CWF19L2: variants seen among roughly 807,000 people sequenced by gnomAD.
CWF19L2 encodes the protein CWF19-like protein 2.
In CWF19L2, 98 loss-of-function variants were observed where a neutral mutation model predicts 111.7. The observed-to-expected ratio is 0.88, with a 90% CI of 0.75 to 1.04. CWF19L2 has a LOEUF of 1.04. Ranked by LOEUF, CWF19L2 falls within the 50% of genes least tolerant of loss-of-function variation. The pLI is 0.00. For synonymous variants in CWF19L2, 351 were observed against 342.9 expected (o/e 1.02, Z -0.26); for missense variants, 1,101 against 1,051.4 (o/e 1.05, Z -0.65).
intron 17 of CWF19L2, among the ~76,000 whole-genome samples, chr11:107,328,662 TAATA>T (rs1298992122): frequency 6.6e-6 from 1 of 152,204 alleles, no homozygotes; most frequent in Non-Finnish European, 1.5e-5. Flanking sequence ...TCTCCCAGTT[TAATA>T]TATACAACTT....
intron 6 of CWF19L2, among the ~76,000 whole-genome samples, chr11:107,434,685 A>AG (rs1861515805): frequency 1.3e-5 from 2 of 151,152 alleles, no homozygotes; most frequent in African/African-American, 2.4e-5. Context: ...AAAAAAAAAA[A>AG]AAAAGAAAAA....
intron 10 of CWF19L2, chr11:107,404,529 T>C: frequency 1.4e-6 from 1 of 693,128 alleles, no homozygotes. Context: ...CTTGGAGTGC[T>C]GGGCATTTGT....
chr11:107,362,040 TC>T (rs1336130427), intron 12 of CWF19L2, among the ~76,000 whole-genome samples: 1 of 152,142 alleles, frequency 6.6e-6, no homozygotes, highest in Non-Finnish European at 1.5e-5. Context: ...GAGTTCCCTT[TC>T]TGAGTCAAAG....
chr11:107,393,792 T>G (rs1860882982), intron 10 of CWF19L2, among the ~76,000 whole-genome samples: 2 of 152,112 alleles, frequency 1.3e-5, no homozygotes, highest in Admixed American at 1.3e-4. Flanking sequence ...AATCAAATAC[T>G]GCATGTTCTC....
intron 10 of CWF19L2, among the ~76,000 whole-genome samples, chr11:107,413,314 G>C (rs958289049): frequency 2.7e-4 from 41 of 152,082 alleles, no homozygotes; most frequent in Non-Finnish European, 3.8e-4. Context: ...AAAAAGAAAA[G>C]TCTTTGAGGT....
In CWF19L2 at chr11:107,353,659, A is replaced by G. The variant is rs146719098; in HGVS notation, c.1950T>C (p.Leu650=). Residue 650 remains leucine, a synonymous_variant, in exon 13 of 18, where the codon CTT becomes CTC. Transcript: ENST00000282251. ...FVSKAAERER[L]GEEEENQRKK... The stretch of plus-strand genomic sequence containing the variant: ...TCCTTTGGTTCTCTTCCTCTTCACC[A>G]AGACGTTCTCTCTCAGCTGCTTTGG... 1.7e-5 allele frequency: 28 copies of G among 1,613,680 alleles called. No individual in the cohort carries two copies. Among genetic ancestry groups the G allele is most frequent in the Admixed American group, 5.0e-5 (3 of 59,990 alleles).
intron 14 of CWF19L2, among the ~76,000 whole-genome samples, chr11:107,348,034 T>C (rs1195044687): frequency 6.6e-6 from 1 of 151,992 alleles, no homozygotes; most frequent in Non-Finnish European, 1.5e-5. Flanking sequence ...ACGCAAACTT[T>C]CACATCAAAA....
At chr11:107,430,762 T>C (rs1170639964) in intron 7 of CWF19L2, among the ~76,000 whole-genome samples, 3 of 152,028 alleles carry the variant, frequency 2.0e-5, no homozygotes, top group Admixed American at 1.3e-4. Flanking sequence ...GAAGTTTCCA[T>C]TATGTAAGAT....
chr11:107,331,486 G>C (rs1367818064), intron 16 of CWF19L2, among the ~76,000 whole-genome samples: 1 of 152,146 alleles, frequency 6.6e-6, no homozygotes, highest in Non-Finnish European at 1.5e-5. Context: ...CTACACTCTT[G>C]GCTTTGAAGA....
At chr11:107,379,105 C>T (rs963076980) in intron 12 of CWF19L2, among the ~76,000 whole-genome samples, 14 of 152,136 alleles carry the variant, frequency 9.2e-5, no homozygotes, top group African/African-American at 3.1e-4. Flanking sequence ...CTCTGAGCAA[C>T]AGTTTTTATT....
At chr11:107,359,346 C>G (rs532352849) in intron 12 of CWF19L2, among the ~76,000 whole-genome samples, 2,346 of 152,282 alleles carry the variant, frequency 0.015, 58 homozygotes, top group African/African-American at 0.053. Flanking sequence ...AAGTAGATGT[C>G]TGGACAGAAC....
intron 14 of CWF19L2, among the ~76,000 whole-genome samples, chr11:107,341,236 G>A (rs1433612692): frequency 1.3e-5 from 2 of 152,178 alleles, no homozygotes; most frequent in African/African-American, 4.8e-5. Context: ...GCACAACATT[G>A]TGATGTGATG....
chr11:107,380,834 G>A (rs1860675108), intron 12 of CWF19L2, among the ~76,000 whole-genome samples: 1 of 150,806 alleles, frequency 6.6e-6, no homozygotes, highest in Non-Finnish European at 1.5e-5. Context: ...ATGAACAAAT[G>A]AATGGAGTTT....
At chr11:107,385,963 T>C (rs1565263276) in intron 12 of CWF19L2, among the ~76,000 whole-genome samples, 1 of 152,224 alleles carries the variant, frequency 6.6e-6, no homozygotes, top group Non-Finnish European at 1.5e-5. Context: ...GCTATACTTG[T>C]ATTTTATGAT....
chr11:107,444,762 G>A (rs931889854), intron 3 of CWF19L2, among the ~76,000 whole-genome samples: 11 of 152,094 alleles, frequency 7.2e-5, no homozygotes, highest in Non-Finnish European at 1.3e-4. Flanking sequence ...TGAGTTATCT[G>A]GAACAACCAA....
intron 14 of CWF19L2, among the ~76,000 whole-genome samples, chr11:107,346,083 A>C (rs577238427): frequency 1.4e-3 from 214 of 152,286 alleles, no homozygotes; most frequent in Non-Finnish European, 2.4e-3. Flanking sequence ...TATACTGCAC[A>C]ATGTTGCAGG....
At chr11:107,341,442 T>A (rs1355397894) in intron 14 of CWF19L2, among the ~76,000 whole-genome samples, 1 of 152,208 alleles carries the variant, frequency 6.6e-6, no homozygotes, top group African/African-American at 2.4e-5. Context: ...TAAGCCCTAC[T>A]TGGACATAGT....
At chr11:107,347,399 T>C (rs1189572873) in intron 14 of CWF19L2, among the ~76,000 whole-genome samples, 2 of 152,212 alleles carry the variant, frequency 1.3e-5, no homozygotes, top group Non-Finnish European at 2.9e-5. Context: ...GTAGAATTAA[T>C]TTGAGTTGTA....
chr11:107,422,128 A>C (rs953763098), intron 8 of CWF19L2, among the ~76,000 whole-genome samples: 1 of 152,100 alleles, frequency 6.6e-6, no homozygotes, highest in Non-Finnish European at 1.5e-5. Context: ...ATAATGTATG[A>C]TCCCATTTAC....
Sources: gnomAD v4.1 joint callset for allele counts (sites outside exome capture counted in the v4.1 genomes callset) on GRCh38, gnomAD v4.1.1 for gene constraint, MANE v1.5 for transcripts, NCBI Gene and HGNC (gene_info 2026-07-23, HGNC 2026-07-21) for gene names.